TNKS1BP1: variants seen among roughly 807,000 people sequenced by gnomAD.
TNKS1BP1 encodes CCR4-NOT transcription complex subunit 12.
Under a neutral mutation model 141.1 loss-of-function variants are expected in TNKS1BP1, and 48 were observed. The observed-to-expected ratio is 0.34, with a 90% CI of 0.27 to 0.43. The LOEUF (loss-of-function observed/expected upper bound fraction) is 0.43. Ranked by LOEUF, TNKS1BP1 falls within the 20% of genes least tolerant of loss-of-function variation. The pLI is 1.00. For synonymous variants in TNKS1BP1, 875 were observed against 898.2 expected, an observed-to-expected ratio of 0.97 and a Z score of 0.46; for missense variants, 2,149 against 2,226.0, an observed-to-expected ratio of 0.97 and a Z score of 0.70.
intron 3 of TNKS1BP1, 40 bp downstream of exon 3, chr11:57,320,039 C>CA: frequency 1.3e-6 from 2 of 1,592,524 alleles, no homozygotes; most frequent in African/African-American, 1.3e-5. Context: ...CCCACCTGAC[C>CA]TCCAGGCTGC....
intron 1 of TNKS1BP1, among the ~76,000 whole-genome samples, chr11:57,322,707 G>C (rs985023919): frequency 6.6e-6 from 1 of 152,160 alleles, no homozygotes; most frequent in Non-Finnish European, 1.5e-5. Context: ...AGGAGGAGCC[G>C]GCCCAGGCCT....
intron 6 of TNKS1BP1, among the ~76,000 whole-genome samples, chr11:57,303,787 C>T (rs781776143): frequency 3.3e-5 from 5 of 152,154 alleles, no homozygotes; most frequent in African/African-American, 4.8e-5. Flanking sequence ...GCAGGGCTCA[C>T]GCCTGTAATT....
chr11:57,302,276 GC>G lies in TNKS1BP1; in HGVS notation c.4684-53del. ...GCCATTGCTGCCTCATCCCACGGGA[GC>G]CCCTCAACAGTAGCTGACCAGGAGC... On this transcript the variant is annotated intron_variant, in intron 7 of 11. Coordinates refer to ENST00000358252, the MANE Select transcript of TNKS1BP1 (RefSeq NM_033396.3). The surrounding 1 kb of genome is among the most constrained non-coding windows in gnomAD (Gnocchi z 5.5). The G allele has an allele frequency of 6.3e-7, 1 of 1,576,136 alleles. No individual in the cohort carries two copies. Among genetic ancestry groups the G allele is most frequent in the Non-Finnish European group, 8.6e-7 (1 of 1,158,640 alleles).
Position 57,301,018 on chromosome 11 carries a change from G to A in TNKS1BP1, c.4995C>T (p.Arg1665=). Residue 1665 remains arginine, a synonymous_variant, in exon 10 of 12, where the codon CGC becomes CGT. Coordinates refer to ENST00000358252, the MANE Select transcript of TNKS1BP1 (RefSeq NM_033396.3). The part of the protein sequence containing the change: ...ALKAKLRPRN[R]SAEEGELAES... ...CAGCCAGCTCTCCCTCCTCAGCTGA[G>A]CGATTCCGGGGGCGCAGCTTGGCCT... is the stretch of plus-strand genomic sequence containing the variant. 6.2e-7 allele frequency: 1 copy of A among 1,613,414 alleles called. No individual in the cohort carries two copies. Among genetic ancestry groups the A allele is most frequent in the Non-Finnish European group, 8.5e-7 (1 of 1,179,668 alleles).
intron 9 of TNKS1BP1, among the ~76,000 whole-genome samples, chr11:57,301,458 A>G (rs1403290426): frequency 6.6e-6 from 1 of 152,116 alleles, no homozygotes; most frequent in Non-Finnish European, 1.5e-5. Context: ...CTGTTAGGAA[A>G]TAACTCCTCT....
intron 3 of TNKS1BP1, among the ~76,000 whole-genome samples, chr11:57,319,530 C>T (rs753270762): frequency 4.6e-5 from 7 of 151,906 alleles, no homozygotes; most frequent in Admixed American, 1.3e-4. Flanking sequence ...TTTGGGAGGC[C>T]GAAGCAGGCA....
In TNKS1BP1 at chr11:57,309,033, G is replaced by C. The variant is rs756672725; in HGVS notation, c.3678C>G (p.Asp1226Glu). ...TCTTCACATTAACATCAGAAGTCCA[G>C]TCCTTCTCCCCAACTCCGATTCCCC... Reference protein sequence around the residue: ...EPGGIGVGEKDWTSDVNVKSK... With the variant: ...EPGGIGVGEKEWTSDVNVKSK... Residue 1226 changes from aspartate to glutamate, a missense_variant, in exon 6 of 12, where the codon GAC (aspartate) becomes GAG (glutamate). Physicochemically the swap from Asp to Glu is conservative, Grantham distance 45 (BLOSUM62 2). Transcript: ENST00000358252. The surrounding 1 kb of genome is among the most constrained non-coding windows in gnomAD (Gnocchi z 4.3). 6.2e-7 allele frequency: 1 copy of C among 1,614,132 alleles called. No homozygotes were observed. The highest frequency in any genetic ancestry group is 8.5e-7 in the Non-Finnish European group (1 of 1,180,030).
At chr11:57,324,614 G>A (rs903283907) in intron 1 of TNKS1BP1, among the ~76,000 whole-genome samples, 6 of 127,736 alleles carry the variant, frequency 4.7e-5, no homozygotes, top group East Asian at 5.4e-4. Flanking sequence ...CTGCCAGCAC[G>A]AGCTCCAAGC....
rs768586181 is a variant in TNKS1BP1, at chr11:57,309,608, C to G, written c.3103G>C (p.Val1035Leu). 11 of 1,613,832 alleles carry G rather than the reference C, an allele frequency of 6.8e-6. No homozygotes were observed. The highest frequency in any genetic ancestry group is 8.5e-6 in the Non-Finnish European group (10 of 1,180,036). Residue 1035 changes from valine (V) to leucine (L), a missense_variant, in exon 6 of 12, where the codon GTG becomes CTG. Val to Leu is a conservative substitution (Grantham distance 32, BLOSUM62 1). Transcript: ENST00000358252. This position sits in a 1 kb window ranked among gnomAD's most constrained non-coding sequence, Gnocchi z 4.3. Reference sequence around the variant, plus strand: ...CTCTGCCCGAGTGCCCCATCCGGCACGTGGGCAGTGCTAGGACTGAACAAG... The same window carrying G: ...CTCTGCCCGAGTGCCCCATCCGGCAGGTGGGCAGTGCTAGGACTGAACAAG... ...GGLFSPSTAH[V>L]PDGALGQRDQ...
In TNKS1BP1 at chr11:57,302,350, A is replaced by C. The variant is rs1256346032; in HGVS notation, c.4683+109T>G. On this transcript the variant is annotated intron_variant, in intron 7 of 11. Coordinates refer to ENST00000358252, the MANE Select transcript of TNKS1BP1 (RefSeq NM_033396.3). This position sits in a 1 kb window ranked among gnomAD's most constrained non-coding sequence, Gnocchi z 5.5. ...CTTCACGTTCACGTGACGCACCTAC[A>C]ACCCGCTTTCTGCCTCCTGGACTGG... 3 of 1,538,800 alleles carry C rather than the reference A, an allele frequency of 1.9e-6. No individual in the cohort carries two copies. The African/African-American group carries it at 4.1e-5, about 21-fold the overall frequency.
At chr11:57,318,882 C>G (rs1390102797) in intron 3 of TNKS1BP1, among the ~76,000 whole-genome samples, 1 of 152,226 alleles carries the variant, frequency 6.6e-6, no homozygotes, top group Non-Finnish European at 1.5e-5. Flanking sequence ...CAGTGGCTCA[C>G]GCCTGTAATC....
intron 6 of TNKS1BP1, among the ~76,000 whole-genome samples, chr11:57,304,829 G>A (rs567200869): frequency 1.8e-4 from 24 of 130,426 alleles, no homozygotes; most frequent in African/African-American, 5.1e-4. Flanking sequence ...CCAAGACCGC[G>A]CCACTGCACT....
rs1293735574 is a variant in TNKS1BP1 at position 57,302,687 on chromosome 11, T to C, written c.4455A>G (p.Glu1485=). 6.2e-7 allele frequency: 1 copy of C among 1,606,646 alleles called. No individual in the cohort carries two copies. The highest frequency in any genetic ancestry group is 2.2e-5 in the East Asian group (1 of 44,676). The part of the protein sequence containing the change: ...ASGLGGLLEE[E]GAGAGAAQEE... Reference sequence around the variant, plus strand: ...CTTGGGCAGCACCTGCCCCGGCTCCTTCCTCCTCCAACAGGCCCCCAAGGC... The same window carrying C: ...CTTGGGCAGCACCTGCCCCGGCTCCCTCCTCCTCCAACAGGCCCCCAAGGC... Residue 1485 remains glutamate, a synonymous_variant, in exon 7 of 12, where the codon GAA becomes GAG. Coordinates refer to ENST00000358252, the MANE Select transcript of TNKS1BP1 (RefSeq NM_033396.3). This position sits in a 1 kb window ranked among gnomAD's most constrained non-coding sequence, Gnocchi z 5.5.
rs139514655 is a variant in TNKS1BP1, at chr11:57,309,237, C to T, written c.3474G>A (p.Ser1158=). The T allele has an allele frequency of 1.3e-5, 21 of 1,614,072 alleles. No individual in the cohort carries two copies. Among genetic ancestry groups the T allele is most frequent in the East Asian group, 4.5e-5 (2 of 44,896 alleles). ...FVPPGKTTAG[S]VDWTDQLGLR... is the part of the protein sequence containing the mutation. ...GACCCAGCTGGTCAGTCCAGTCCAC[C>T]GAGCCAGCTGTGGTCTTCCCAGGAG... The change falls in exon 6 of 12, where the codon TCG becomes TCA. Residue 1158 remains serine, a synonymous_variant. Transcript: ENST00000358252. This position sits in a 1 kb window ranked among gnomAD's most constrained non-coding sequence, Gnocchi z 4.3.
At chr11:57,304,169 G>C (rs772678672) in intron 6 of TNKS1BP1, among the ~76,000 whole-genome samples, 20 of 152,192 alleles carry the variant, frequency 1.3e-4, no homozygotes, top group African/African-American at 4.1e-4. Flanking sequence ...CAGAGGTGTG[G>C]GAAAGCCTGG....
Position 57,308,380 on chromosome 11 carries a change from G to C in TNKS1BP1, c.4316+15C>G, listed in dbSNP as rs1855645264. The C allele has an allele frequency of 6.3e-7, 1 of 1,598,960 alleles. No homozygotes were observed. The highest frequency in any genetic ancestry group is 8.5e-7 in the Non-Finnish European group (1 of 1,169,752). On this transcript the variant is annotated intron_variant, in intron 6 of 11. Coordinates refer to ENST00000358252, the MANE Select transcript of TNKS1BP1 (RefSeq NM_033396.3). ...ATGTTCCCTCCCACACTTGGGATGG[G>C]GCTCCGTTCATTACCTTGCTCCGAA...
chr11:57,319,094 G>A (rs1038576323), intron 3 of TNKS1BP1, among the ~76,000 whole-genome samples: 7 of 148,002 alleles, frequency 4.7e-5, no homozygotes, highest in Admixed American at 2.7e-4. Context: ...GCAGTGAGCC[G>A]AGATTGCGCC....
chr11:57,311,366 C>G (rs1332370167), intron 5 of TNKS1BP1: 1 of 985,614 alleles, frequency 1.0e-6, no homozygotes, highest in African/African-American at 1.7e-5. Context: ...TGGGCCATGG[C>G]CCCCCGCCCC....
chr11:57,302,278 C>A lies in TNKS1BP1; in HGVS notation c.4684-54G>T. ...CATTGCTGCCTCATCCCACGGGAGC[C>A]CCTCAACAGTAGCTGACCAGGAGCT... On this transcript the variant is annotated intron_variant, in intron 7 of 11. Transcript: ENST00000358252. This position sits in a 1 kb window ranked among gnomAD's most constrained non-coding sequence, Gnocchi z 5.5. 1 of 1,574,472 alleles carries A rather than the reference C, an allele frequency of 6.4e-7. No individual in the cohort carries two copies. Among genetic ancestry groups the A allele is most frequent in the Admixed American group, 1.7e-5 (1 of 57,390 alleles).
Sources: gnomAD v4.1 joint callset for allele counts (sites outside exome capture counted in the v4.1 genomes callset) on GRCh38, gnomAD v4.1.1 for gene constraint, Gnocchi (gnomAD v3.1) non-coding constraint, MANE v1.5 for transcripts, NCBI Gene and HGNC (gene_info 2026-07-23, HGNC 2026-07-21) for gene names.